Variants in SHISA4 observed in about 807,000 individuals in gnomAD.
SHISA4 encodes shisa family member 4, also known as protein shisa-4.
Under a neutral mutation model 24.2 loss-of-function variants are expected in SHISA4, and 16 were observed. That is an observed-to-expected ratio of 0.66 (90% confidence interval 0.45 to 1.00). The LOEUF (loss-of-function observed/expected upper bound fraction) is 1.00. Among genes scored for constraint, SHISA4 ranks in the 50% least tolerant of loss-of-function variants. The pLI, the probability that SHISA4 is intolerant of heterozygous loss-of-function variation, is 0.00. For missense variants in SHISA4, 238 were observed against 258.9 expected (o/e 0.92, Z 0.55); for synonymous variants, 106 against 105.4 (o/e 1.01, Z -0.04).
At chr1:201,890,823 A>C (rs978896620) in intron 3 of SHISA4, among the ~76,000 whole-genome samples, 34 of 152,252 alleles carry the variant, frequency 2.2e-4, no homozygotes, top group African/African-American at 8.2e-4. Context: ...TGAAGATTCA[A>C]ATGTGTACAG....
At chr1:201,889,235 T>C in intron 1 of SHISA4, 168 bp downstream of exon 1, 2 of 913,650 alleles carry the variant, frequency 2.2e-6, no homozygotes, top group East Asian at 5.3e-5. Flanking sequence ...TCCAGGATGC[T>C]GGGCCATGGG....
At chr1:201,889,869 C>T (rs1681060867) in intron 2 of SHISA4, among the ~76,000 whole-genome samples, 1 of 152,124 alleles carries the variant, frequency 6.6e-6, no homozygotes, top group South Asian at 2.1e-4. Flanking sequence ...TTCTGGAGCC[C>T]TCCCTTTGGT....
intron 2 of SHISA4, among the ~76,000 whole-genome samples, chr1:201,889,999 A>T (rs1482074660): frequency 6.6e-6 from 1 of 152,116 alleles, no homozygotes; most frequent in East Asian, 1.9e-4. Context: ...TCCACTTCTT[A>T]CTAGCTGTGT....
At chr1:201,888,870 A>G (rs927920227), upstream of SHISA4, 2 of 547,964 alleles carry the variant, frequency 3.6e-6, no homozygotes, top group South Asian at 6.4e-5. Context: ...TCCCACCCCC[A>G]GAGGAGGCGG....
chr1:201,889,896 GA>G (rs1415250956), intron 2 of SHISA4, among the ~76,000 whole-genome samples: 1 of 152,148 alleles, frequency 6.6e-6, no homozygotes, highest in East Asian at 1.9e-4. Context: ...AGGTCATGGG[GA>G]GGGAGGGTTC....
Position 201,892,366 on chromosome 1 carries a change from C to G in SHISA4, c.*520C>G, listed in dbSNP as rs1317283087. On this transcript the variant is annotated 3_prime_UTR_variant, in exon 5 of 5. Transcript: ENST00000362011. Reference sequence around the variant, plus strand: ...CAGGAACACCGCCTTCAGCTGGGCCCAGACTGTTGCCCACTCCATATTCCA... The same window carrying G: ...CAGGAACACCGCCTTCAGCTGGGCCGAGACTGTTGCCCACTCCATATTCCA... 1.2e-5 allele frequency: 2 copies of G among 160,968 alleles called. No individual in the cohort carries two copies. The highest frequency in any genetic ancestry group is 2.7e-5 in the Non-Finnish European group (2 of 74,168). The allele number at this position is 160,968 out of a possible 1,614,324, so 10.0% of individuals were successfully genotyped here. A position where few individuals can be genotyped will look rare whatever the true frequency, so the allele number is the denominator to read the frequency against.
intron 2 of SHISA4, among the ~76,000 whole-genome samples, chr1:201,890,199 T>G (rs1180835463): frequency 2.0e-5 from 3 of 152,130 alleles, no homozygotes; most frequent in African/African-American, 7.2e-5. Flanking sequence ...ATCATTTAAG[T>G]TGTAGATATA....
Position 201,891,404 on chromosome 1 carries a change from A to C in SHISA4, c.383A>C (p.Gln128Pro). ...CTGATCCTTCTCCCCCATCTAGGCC[A>C]GGAGATTCCAATGACAGGCATCCCA... ...RQQLQSPFEGQEIPMTGIPVQ... is the reference protein window; with the variant it reads ...RQQLQSPFEGPEIPMTGIPVQ... Residue 128 changes from glutamine to proline, a missense_variant, in exon 4 of 5, where the codon CAG becomes CCG. Coordinates refer to ENST00000362011, the MANE Select transcript of SHISA4 (RefSeq NM_198149.3). The C allele has an allele frequency of 1.2e-6, 2 of 1,613,894 alleles. No homozygotes were observed. Among genetic ancestry groups the C allele is most frequent in the Non-Finnish European group, 1.7e-6 (2 of 1,179,906 alleles).
intron 3 of SHISA4, 30 bp downstream of exon 3, chr1:201,890,617 C>T (rs1432337295): frequency 1.2e-6 from 2 of 1,612,264 alleles, no homozygotes; most frequent in South Asian, 1.1e-5. Context: ...AGAAGGGCCT[C>T]AGATGGGCTG....
At position 201,888,945 on chromosome 1, in the gene SHISA4, T is replaced by G; in HGVS notation, c.-50T>G. ...CAGCTCCAGCTGGCCGGCTTGGTCC[T>G]GCGGTCCCTTCTCTGGGAGGCCCGA... On this transcript the variant is annotated 5_prime_UTR_variant, in exon 1 of 5. Transcript: ENST00000362011. 1 of 1,298,742 alleles carries G rather than the reference T, an allele frequency of 7.7e-7. No individual in the cohort carries two copies. Among genetic ancestry groups the G allele is most frequent in the Admixed American group, 3.7e-5 (1 of 26,952 alleles). 80.5% of individuals were successfully genotyped at this position (1,298,742 alleles called of 1,614,324 possible).
At chr1:201,889,101 G>A in intron 1 of SHISA4, 34 bp downstream of exon 1, 1 of 1,388,824 alleles carries the variant, frequency 7.2e-7, no homozygotes, top group South Asian at 1.7e-5. Flanking sequence ...GCAGGAGTGG[G>A]ATGGGGGCGG....
At chr1:201,890,104 T>G (rs76899663) in intron 2 of SHISA4, among the ~76,000 whole-genome samples, 2,114 of 152,276 alleles carry the variant, frequency 0.014, 53 homozygotes, top group African/African-American at 0.048. Flanking sequence ...AAAATAGATA[T>G]AGAGACTTCT....
At chr1:201,890,766 G>A (rs1395287238) in intron 3 of SHISA4, among the ~76,000 whole-genome samples, 179 bp downstream of exon 3, 5 of 152,206 alleles carry the variant, frequency 3.3e-5, no homozygotes, top group African/African-American at 1.2e-4. Context: ...GAATGTGCCT[G>A]GGATATATGG....
chr1:201,891,729 C>CG, intron 4 of SHISA4, 71 bp from the exon 5 acceptor site: 1 of 1,587,412 alleles, frequency 6.3e-7, no homozygotes, highest in Non-Finnish European at 8.7e-7. Context: ...CTGTCTGCCC[C>CG]GGGGGCAGGG....
chr1:201,891,532 C>G lies in SHISA4; in HGVS notation c.511C>G (p.Leu171Val). 6.2e-7 allele frequency: 1 copy of G among 1,613,630 alleles called. No individual in the cohort carries two copies. Among genetic ancestry groups the G allele is most frequent in the Non-Finnish European group, 8.5e-7 (1 of 1,179,780 alleles). Residue 171 changes from leucine to valine, a missense_variant, in exon 4 of 5, where the codon CTC (leucine) becomes GTC (valine). Physicochemically the swap from Leu to Val is conservative, Grantham distance 32. Coordinates refer to ENST00000362011, the MANE Select transcript of SHISA4 (RefSeq NM_198149.3). Reference protein sequence around the residue: ...PPSGPAPQYPLYPAGPPVYNP... With the variant: ...PPSGPAPQYPVYPAGPPVYNP... Reference sequence around the variant, plus strand: ...TAGTGGTCCTGCTCCCCAATATCCACTCTACCCAGCTGGGCCCCCAGTCTA... The same window carrying G: ...TAGTGGTCCTGCTCCCCAATATCCAGTCTACCCAGCTGGGCCCCCAGTCTA...
chr1:201,890,401 G>T, intron 2 of SHISA4, 53 bp from the exon 3 acceptor site: 1 of 1,597,766 alleles, frequency 6.3e-7, no homozygotes, highest in South Asian at 1.1e-5. Flanking sequence ...AGCATAATGA[G>T]GACTCCGTCC....
chr1:201,888,835 G>A, upstream of SHISA4: 1 of 414,024 alleles, frequency 2.4e-6, no homozygotes, highest in Non-Finnish European at 4.1e-6. Flanking sequence ...CGCGCCGGCT[G>A]GGTTAGCGCG....
chr1:201,889,309 C>T, intron 1 of SHISA4, 136 bp from the exon 2 acceptor site: 3 of 1,274,826 alleles, frequency 2.4e-6, no homozygotes, highest in Non-Finnish European at 3.2e-6. Flanking sequence ...GGGCTGAGAC[C>T]CTCAGGGTGG....
chr1:201,889,125 A>G, intron 1 of SHISA4, 58 bp downstream of exon 1: 1 of 1,370,076 alleles, frequency 7.3e-7, no homozygotes, highest in Non-Finnish European at 9.6e-7. Flanking sequence ...AAGGGGAGGG[A>G]CCGATCCGAG....
Sources: allele counts gnomAD v4.1 joint callset (sites outside exome capture counted in the v4.1 genomes callset), GRCh38; gene constraint gnomAD v4.1.1; transcripts MANE v1.5; gene names NCBI Gene and HGNC (gene_info 2026-07-23, HGNC 2026-07-21).